The following ZNF678 variants were observed in gnomAD, a reference collection of about 807,000 sequenced individuals.
ZNF678 encodes hypothetical protein MGC42493.
ZNF678 carries 5 observed loss-of-function variants against 3.0 expected under a neutral mutation model. That is an observed-to-expected ratio of 1.69 (90% confidence interval 0.88 to 3.56). The LOEUF (loss-of-function observed/expected upper bound fraction) is 3.56. Ranked by LOEUF, ZNF678 falls within the 30% of genes most tolerant of loss-of-function variation. The pLI is 0.00. For synonymous variants in ZNF678, 218 were observed against 199.6 expected (o/e 1.09, Z -0.78); for missense variants, 593 against 605.0 (o/e 0.98, Z 0.21).
chr1:227,674,594 CTTTT>C (rs59416359), intron 5 of ZNF678, among the ~76,000 whole-genome samples: 1 of 105,948 alleles, frequency 9.4e-6, no homozygotes, highest in African/African-American at 3.6e-5. Flanking sequence ...TATAATTTTT[CTTTT>C]TTTTTTTTTC....
chr1:227,606,301 G>T (rs1657868684), intron 1 of ZNF678, among the ~76,000 whole-genome samples: 1 of 152,146 alleles, frequency 6.6e-6, no homozygotes, highest in Non-Finnish European at 1.5e-5. Context: ...TGTGAGTAAA[G>T]GAATCTGCAT....
At chr1:227,587,768 A>G (rs1043858515) in intron 1 of ZNF678, among the ~76,000 whole-genome samples, 1 of 150,326 alleles carries the variant, frequency 6.7e-6, no homozygotes, top group Non-Finnish European at 1.5e-5. Context: ...TATCTGGAAC[A>G]TCTCTCTACA....
intron 1 of ZNF678, among the ~76,000 whole-genome samples, chr1:227,611,093 C>T (rs972440896): frequency 6.6e-6 from 1 of 152,172 alleles, no homozygotes; most frequent in African/African-American, 2.4e-5. Flanking sequence ...AGGTGCAGTT[C>T]ACTTTTACTT....
intron 1 of ZNF678, among the ~76,000 whole-genome samples, chr1:227,570,203 T>TACC (rs1656801436): frequency 6.6e-6 from 1 of 152,236 alleles, no homozygotes; most frequent in Admixed American, 6.5e-5. Context: ...TCCCACTGAG[T>TACC]ACCTAGCAAG....
chr1:227,572,863 C>G (rs1473621619), intron 1 of ZNF678, among the ~76,000 whole-genome samples: 1 of 152,206 alleles, frequency 6.6e-6, no homozygotes, highest in Admixed American at 6.5e-5. Context: ...TTCTCAGTGT[C>G]TGGCAGGTGG....
At chr1:227,565,303 A>G (rs992102981) in intron 1 of ZNF678, among the ~76,000 whole-genome samples, 3 of 150,132 alleles carry the variant, frequency 2.0e-5, no homozygotes, top group African/African-American at 7.4e-5. Context: ...TGACCTCGTG[A>G]TCTACCCGCC....
intron 1 of ZNF678, among the ~76,000 whole-genome samples, chr1:227,641,653 A>G (rs769682874): frequency 1.3e-5 from 2 of 152,248 alleles, no homozygotes; most frequent in South Asian, 2.1e-4. Flanking sequence ...TGGGGCGTCC[A>G]GTCACATCTC....
chr1:227,587,040 T>A (rs1270250289), intron 1 of ZNF678, among the ~76,000 whole-genome samples: 1 of 152,104 alleles, frequency 6.6e-6, no homozygotes, highest in Non-Finnish European at 1.5e-5. Flanking sequence ...TCAATTCAAT[T>A]TGGGTTGGGA....
chr1:227,599,646 T>C (rs1333218586), intron 1 of ZNF678, among the ~76,000 whole-genome samples: 1 of 152,204 alleles, frequency 6.6e-6, no homozygotes, highest in African/African-American at 2.4e-5. Context: ...TAGTAGTTGC[T>C]ATTAGAGAAT....
intron 1 of ZNF678, among the ~76,000 whole-genome samples, chr1:227,574,061 T>A (rs1480595068): frequency 6.6e-6 from 1 of 152,246 alleles, no homozygotes; most frequent in East Asian, 1.9e-4. Flanking sequence ...ACTTTCTTTA[T>A]TCAGGCTATT....
At chr1:227,647,557 A>G (rs1558154469) in intron 2 of ZNF678, among the ~76,000 whole-genome samples, 4 of 152,210 alleles carry the variant, frequency 2.6e-5, no homozygotes, top group Admixed American at 1.3e-4. Flanking sequence ...GTAGGAGTAA[A>G]TAAAGCAGAT....
chr1:227,614,457 A>G (rs757972535), intron 1 of ZNF678, among the ~76,000 whole-genome samples: 4 of 152,298 alleles, frequency 2.6e-5, no homozygotes, highest in South Asian at 2.1e-4. Context: ...CTATTAGCTA[A>G]TATCACTGCT....
At chr1:227,593,169 C>T (rs898024138) in intron 1 of ZNF678, among the ~76,000 whole-genome samples, 20 of 152,230 alleles carry the variant, frequency 1.3e-4, no homozygotes, top group African/African-American at 4.1e-4. Flanking sequence ...ATGCAGCCTA[C>T]GCCTGGTCTA....
At chr1:227,601,124 G>A (rs191799719) in intron 1 of ZNF678, among the ~76,000 whole-genome samples, 33 of 152,154 alleles carry the variant, frequency 2.2e-4, no homozygotes, top group Admixed American at 1.4e-3. Context: ...CTATGTTTCT[G>A]TTTTTGTATC....
At chr1:227,641,747 A>G (rs974959166) in intron 1 of ZNF678, among the ~76,000 whole-genome samples, 1 of 133,224 alleles carries the variant, frequency 7.5e-6, no homozygotes, top group Non-Finnish European at 1.6e-5. Context: ...GAGGAATTAG[A>G]CCATATTTCT....
intron 1 of ZNF678, among the ~76,000 whole-genome samples, chr1:227,629,215 A>G (rs1161114669): frequency 2.0e-5 from 3 of 152,166 alleles, no homozygotes; most frequent in African/African-American, 7.2e-5. Flanking sequence ...TTGGTAGGGA[A>G]AGGAGGTGGA....
At chr1:227,640,037 G>A (rs1315675228) in intron 1 of ZNF678, among the ~76,000 whole-genome samples, 1 of 152,210 alleles carries the variant, frequency 6.6e-6, no homozygotes, top group Non-Finnish European at 1.5e-5. Context: ...CTGAAATAAG[G>A]GTGGGGCATG....
At chr1:227,631,331 A>T (rs955595401) in intron 1 of ZNF678, among the ~76,000 whole-genome samples, 1 of 152,112 alleles carries the variant, frequency 6.6e-6, no homozygotes, top group Admixed American at 6.5e-5. Context: ...ACCTTTCTTG[A>T]CCACAAAGAA....
intron 1 of ZNF678, among the ~76,000 whole-genome samples, chr1:227,573,953 T>A (rs976583946): frequency 6.6e-6 from 1 of 152,248 alleles, no homozygotes; most frequent in African/African-American, 2.4e-5. Context: ...GTTATTTTGC[T>A]AAGGATAATG....
Sources: gnomAD v4.1 joint callset for allele counts (sites outside exome capture counted in the v4.1 genomes callset) on GRCh38, gnomAD v4.1.1 for gene constraint, MANE v1.5 for transcripts, NCBI Gene and HGNC (gene_info 2026-07-23, HGNC 2026-07-21) for gene names.